RBFOX1: variants seen among roughly 807,000 people sequenced by gnomAD.
The protein encoded by RBFOX1 is RNA binding fox-1 homolog 1.
In RBFOX1, 8 loss-of-function variants were observed where a neutral mutation model predicts 57.7. The ratio of observed to expected loss-of-function variants is 0.14; its 90% CI spans 0.08 to 0.25. The LOEUF (loss-of-function observed/expected upper bound fraction) is 0.25, where lower values mean the gene tolerates loss of function less well. RBFOX1 is among the 10% of genes least tolerant of loss of function. RBFOX1 has a pLI of 1.00. For missense variants in RBFOX1, 611 were observed against 548.5 expected (o/e 1.11, Z -1.14); for synonymous variants, 326 against 222.4 (o/e 1.47, Z -4.15).
At chr16:6,444,898 C>T (rs548155643) in intron 2 of RBFOX1, among the ~76,000 whole-genome samples, 7 of 152,018 alleles carry the variant, frequency 4.6e-5, no homozygotes, top group Non-Finnish European at 7.4e-5. Context: ...AAAAATGGAA[C>T]GGCCAGGTTT....
upstream of RBFOX1, among the ~76,000 whole-genome samples, chr16:6,015,185 GA>G (rs1200833696): frequency 2.6e-5 from 4 of 151,996 alleles, no homozygotes; most frequent in African/African-American, 9.7e-5. Context: ...TTAGATCTTA[GA>G]TTTTTTTAGC....
At chr16:6,518,721 C>G (rs920152789) in intron 2 of RBFOX1, among the ~76,000 whole-genome samples, 1 of 151,782 alleles carries the variant, frequency 6.6e-6, no homozygotes, top group African/African-American at 2.4e-5. Context: ...GTCCGTCCGT[C>G]CATCCATCCA....
At chr16:7,664,761 T>C (rs576021282) in intron 12 of RBFOX1, 168 bp from the exon 13 acceptor site, 2 of 1,219,492 alleles carry the variant, frequency 1.6e-6, no homozygotes, top group African/African-American at 1.5e-5. Flanking sequence ...TTTCTCGGTT[T>C]GCTCAACTGC....
intron 13 of RBFOX1, among the ~76,000 whole-genome samples, chr16:7,667,490 G>A (rs1299257002): frequency 3.3e-5 from 5 of 152,178 alleles, no homozygotes; most frequent in East Asian, 1.9e-4. Flanking sequence ...CCCAAGCTTC[G>A]TTTTTAAAAG....
At chr16:5,598,646 C>A (rs1567278720) in intron 2 of RBFOX1, among the ~76,000 whole-genome samples, 2 of 152,028 alleles carry the variant, frequency 1.3e-5, no homozygotes, top group African/African-American at 4.8e-5. Flanking sequence ...CCTGAAAACC[C>A]AGTGACTATT....
intron 4 of RBFOX1, chr16:7,126,347 TG>T (rs1298165373): frequency 7.6e-6 from 2 of 263,132 alleles, no homozygotes; most frequent in East Asian, 1.0e-4. Context: ...TAAATCGAGG[TG>T]GGGGTTTTTG....
At chr16:7,141,192 A>C (rs2073680790) in intron 4 of RBFOX1, among the ~76,000 whole-genome samples, 1 of 152,138 alleles carries the variant, frequency 6.6e-6, no homozygotes, top group African/African-American at 2.4e-5. Flanking sequence ...GATCCTGGGG[A>C]GGAGGCCGGG....
At chr16:6,852,088 T>C (rs1199422038) in intron 3 of RBFOX1, among the ~76,000 whole-genome samples, 5 of 152,008 alleles carry the variant, frequency 3.3e-5, no homozygotes, top group Non-Finnish European at 7.4e-5. Context: ...ACCACGTAAC[T>C]ACCACAGATG....
Position 7,424,426 on chromosome 16 carries a change from C to G in RBFOX1, c.28-93721C>G, listed in dbSNP as rs114217514. 2.6e-3 allele frequency among the ~76,000 whole-genome samples: 394 copies of G among 152,132 alleles called. 1 individual carries two copies. The highest frequency in any genetic ancestry group is 9.1e-3 in the African/African-American group (378 of 41,502). On this transcript the variant is annotated intron_variant, in intron 4 of 15. Transcript: ENST00000550418. ...AGAAGGGCATCATCACACCCAGCTA[C>G]TTTTTGTATTTTTAGTAGAGACAGG...
At chr16:6,706,362 C>T (rs1052621833) in intron 3 of RBFOX1, among the ~76,000 whole-genome samples, 1 of 152,166 alleles carries the variant, frequency 6.6e-6, no homozygotes, top group African/African-American at 2.4e-5. Flanking sequence ...AACTGTTATG[C>T]AATGTAGCAG....
intron 4 of RBFOX1, among the ~76,000 whole-genome samples, chr16:7,401,499 T>G (rs145298591): frequency 1.8e-4 from 28 of 152,228 alleles, no homozygotes; most frequent in African/African-American, 6.0e-4. Context: ...TCAAACAGAT[T>G]AGGTAGGTAA....
chr16:7,372,609 T>C (rs1312254756), intron 4 of RBFOX1, among the ~76,000 whole-genome samples: 2 of 152,136 alleles, frequency 1.3e-5, no homozygotes, highest in Non-Finnish European at 2.9e-5. Flanking sequence ...AATCAATTAG[T>C]AATGTCTGCT....
chr16:7,654,315 C>T (rs1008359262), intron 12 of RBFOX1, among the ~76,000 whole-genome samples: 1 of 152,142 alleles, frequency 6.6e-6, no homozygotes, highest in East Asian at 1.9e-4. Flanking sequence ...TGAATTCCTC[C>T]ACAGAAAGAA....
chr16:7,466,514 A>G (rs2060552632), intron 4 of RBFOX1, among the ~76,000 whole-genome samples: 1 of 152,166 alleles, frequency 6.6e-6, no homozygotes, highest in Admixed American at 6.5e-5. Context: ...CCAGATGTGA[A>G]GTTTGCTTCA....
At chr16:5,655,263 A>T (rs998486378) in intron 3 of RBFOX1, among the ~76,000 whole-genome samples, 5 of 152,216 alleles carry the variant, frequency 3.3e-5, no homozygotes, top group Non-Finnish European at 7.3e-5. Flanking sequence ...GTGGGCAGGA[A>T]ACATGTTCTA....
At chr16:6,909,293 G>T (rs1567830583) in intron 3 of RBFOX1, among the ~76,000 whole-genome samples, 1 of 152,066 alleles carries the variant, frequency 6.6e-6, no homozygotes, top group Non-Finnish European at 1.5e-5. Flanking sequence ...CTCCAGCCCT[G>T]GCTTCCAGCA....
chr16:5,371,011 G>A (rs1245517882), intron 1 of RBFOX1, among the ~76,000 whole-genome samples: 5 of 152,174 alleles, frequency 3.3e-5, no homozygotes, highest in South Asian at 2.1e-4. Context: ...GCAGTGGCAC[G>A]ATCTTGGCTC....
At chr16:5,558,612 C>G (rs994119635) in intron 2 of RBFOX1, among the ~76,000 whole-genome samples, 6 of 152,138 alleles carry the variant, frequency 3.9e-5, no homozygotes, top group Non-Finnish European at 5.9e-5. Context: ...CAAGGGGATT[C>G]TGAACATGGC....
intron 2 of RBFOX1, among the ~76,000 whole-genome samples, chr16:6,476,120 T>C (rs1343783180): frequency 6.6e-6 from 1 of 152,172 alleles, no homozygotes; most frequent in Non-Finnish European, 1.5e-5. Context: ...GACACTCACA[T>C]GGCCAGGGAC....
Sources: allele counts gnomAD v4.1 joint callset (sites outside exome capture counted in the v4.1 genomes callset), GRCh38; gene constraint gnomAD v4.1.1; transcripts MANE v1.5; gene names NCBI Gene and HGNC (gene_info 2026-07-23, HGNC 2026-07-21).